Variants in KDM2B observed in about 807,000 individuals in gnomAD.
The protein encoded by KDM2B is lysine-specific demethylase 2B.
In KDM2B, 26 loss-of-function variants were observed where a neutral mutation model predicts 150.0. That is an observed-to-expected ratio of 0.17 (90% CI 0.13 to 0.24). The LOEUF (loss-of-function observed/expected upper bound fraction) is 0.24. Among genes scored for constraint, KDM2B ranks in the 10% least tolerant of loss-of-function variants. KDM2B has a pLI of 1.00. For missense variants in KDM2B, 1,265 were observed against 1,816.9 expected, an observed-to-expected ratio of 0.70 and a Z score of 5.52; for synonymous variants, 734 against 729.5, an observed-to-expected ratio of 1.01 and a Z score of -0.10.
At position 121,521,155 on chromosome 12, in the gene KDM2B, A is replaced by G. The variant is rs1555305889; in HGVS notation, c.932-55T>C. Reference sequence around the variant, plus strand: ...GCCGCTGGCCCCTGTGGGCTCCCACACCTCACAAGGCTGCAGGGAGGGAGA... The same window carrying G: ...GCCGCTGGCCCCTGTGGGCTCCCACGCCTCACAAGGCTGCAGGGAGGGAGA... On this transcript the variant is annotated intron_variant, in intron 8 of 22. Coordinates refer to ENST00000377071, the MANE Select transcript of KDM2B (RefSeq NM_032590.5). The surrounding 1 kb of genome is among the most constrained non-coding windows in gnomAD (Gnocchi z 4.9). 1.6e-6 allele frequency: 2 copies of G among 1,235,642 alleles called. No homozygotes were observed. Among genetic ancestry groups the G allele is most frequent in the Non-Finnish European group, 1.2e-6 (1 of 841,086 alleles). 76.5% of individuals were successfully genotyped at this position (1,235,642 alleles called of 1,614,324 possible). A position where few individuals can be genotyped will look rare whatever the true frequency, so the allele number is the denominator to read the frequency against.
At chr12:121,500,296 CCCTAAGGG>C (rs1555301709) in intron 11 of KDM2B, among the ~76,000 whole-genome samples, 26 of 152,124 alleles carry the variant, frequency 1.7e-4, no homozygotes, top group African/African-American at 5.8e-4. Flanking sequence ...CAGCTCAGCC[CCCTAAGGG>C]TTACACCTTA....
chr12:121,414,765 C>T, the KDM2B span, among the ~76,000 whole-genome samples: 7 of 151,426 alleles, frequency 4.6e-5, no homozygotes, highest in African/African-American at 1.2e-4. Context: ...CTCCGCCTCC[C>T]GAATTCAAGC....
chr12:121,444,588 CG>C (rs1875814866), intron 14 of KDM2B, 52 bp from the exon 15 acceptor site: 1 of 1,479,186 alleles, frequency 6.8e-7, no homozygotes. Context: ...AGATGGCCCA[CG>C]GGCACAAGGC....
intron 6 of KDM2B, among the ~76,000 whole-genome samples, chr12:121,543,895 GT>G (rs1555310147): frequency 1.2e-4 from 18 of 151,794 alleles, no homozygotes; most frequent in African/African-American, 3.9e-4. Flanking sequence ...GCCAAGGTCG[GT>G]GGACCACTTG....
At chr12:121,480,925 T>TTTG (rs1555297735) in intron 12 of KDM2B, among the ~76,000 whole-genome samples, 21 of 118,920 alleles carry the variant, frequency 1.8e-4, no homozygotes, top group African/African-American at 6.2e-4. Flanking sequence ...GAGGTGTTTT[T>TTTG]TTTGTTGTTT....
intron 10 of KDM2B, among the ~76,000 whole-genome samples, chr12:121,510,295 A>C (rs1307176653): frequency 6.6e-6 from 1 of 152,188 alleles, no homozygotes; most frequent in Non-Finnish European, 1.5e-5. Flanking sequence ...TTATTTATAT[A>C]AAGACAGTCT....
the KDM2B span, among the ~76,000 whole-genome samples, chr12:121,415,798 A>AT: frequency 6.7e-6 from 1 of 148,880 alleles, no homozygotes; most frequent in Non-Finnish European, 1.5e-5. Context: ...TTTTTAGTAT[A>AT]TGCATATCCC....
At chr12:121,457,735 AACAT>A (rs1407410837) in intron 12 of KDM2B, among the ~76,000 whole-genome samples, 2 of 113,028 alleles carry the variant, frequency 1.8e-5, no homozygotes, top group Admixed American at 1.7e-4. Flanking sequence ...GAAGATCGGA[AACAT>A]ACACACACAC....
chr12:121,567,284 T>C lies in KDM2B; in HGVS notation c.397+7263A>G, dbSNP rs185767953. On this transcript the variant is annotated intron_variant, in intron 4 of 22. Transcript: ENST00000377071. The stretch of plus-strand genomic sequence containing the variant: ...TCTACCTATAAGGTGTATATATTAA[T>C]ATGCTGAAGTCCTCACCCCCAGCAC... 2.0e-5 allele frequency among the ~76,000 whole-genome samples: 3 copies of C among 152,342 alleles called. No individual in the cohort carries two copies. The East Asian group carries it at 5.8e-4, about 29-fold the overall frequency.
downstream of KDM2B, among the ~76,000 whole-genome samples, chr12:121,427,544 TAAATA>T (rs1162321418): frequency 1.3e-5 from 2 of 152,122 alleles, no homozygotes; most frequent in African/African-American, 4.8e-5. Flanking sequence ...TGTCTCAAAA[TAAATA>T]AAATAAAATA....
At chr12:121,490,099 C>T (rs1555299638) in intron 12 of KDM2B, among the ~76,000 whole-genome samples, 4 of 152,210 alleles carry the variant, frequency 2.6e-5, no homozygotes, top group African/African-American at 7.2e-5. Context: ...CTGTGTGTCA[C>T]TCCGGAGGGA....
Position 121,440,933 on chromosome 12 carries a change from A to C in KDM2B, c.3493T>G (p.Ser1165Ala), listed in dbSNP as rs527728982. 6.2e-7 allele frequency: 1 copy of C among 1,614,118 alleles called. No homozygotes were observed. The highest frequency in any genetic ancestry group is 1.3e-5 in the African/African-American group (1 of 75,066). ...GGACAACTGGAGCTGCAAAGGGCCG[A>C]GACCGCGATCCATGAGCAGCCTGAC... is the stretch of plus-strand genomic sequence containing the variant. ...VLSGCSWIAV[S>A]ALCSSSCPLL... The change falls in exon 21 of 23, where the codon TCG becomes GCG. Residue 1165 changes from serine to alanine, a missense_variant. Physicochemically the swap from Ser to Ala is moderately conservative, Grantham distance 99 (BLOSUM62 1). This residue lies in a region of KDM2B where 251 missense variants were observed against 397.8 expected (regional missense o/e 0.63). Transcript: ENST00000377071.
In KDM2B at chr12:121,520,300, T is replaced by A. The variant is rs1452499179; in HGVS notation, c.1047+685A>T. On this transcript the variant is annotated intron_variant, in intron 9 of 22. Transcript: ENST00000377071. The surrounding 1 kb of genome is among the most constrained non-coding windows in gnomAD (Gnocchi z 4.5). ...GGCAAGTTCAGGCCACTTGTCCTTT[T>A]CAGGGGACACTTGTGGAGCGAAGGA... is the stretch of plus-strand genomic sequence containing the variant. 6.6e-6 allele frequency among the ~76,000 whole-genome samples: 1 copy of A among 152,138 alleles called. No homozygotes were observed. Among genetic ancestry groups the A allele is most frequent in the Non-Finnish European group, 1.5e-5 (1 of 68,020 alleles).
intron 9 of KDM2B, chr12:121,516,529 A>G (rs1886210121): frequency 5.6e-6 from 8 of 1,427,314 alleles, no homozygotes; most frequent in Non-Finnish European, 7.4e-6. Context: ...GCCTGGGGAC[A>G]TTAAACATAC....
chr12:121,504,953 A>G (rs1474606650), intron 11 of KDM2B, among the ~76,000 whole-genome samples: 2 of 151,998 alleles, frequency 1.3e-5, no homozygotes, highest in African/African-American at 4.8e-5. Context: ...CGTCTCTACT[A>G]AAAATACAAA....
intron 22 of KDM2B, among the ~76,000 whole-genome samples, chr12:121,437,508 GA>G (rs140170154): frequency 1.3e-5 from 2 of 150,702 alleles, no homozygotes; most frequent in African/African-American, 4.9e-5. Context: ...GTCCACATGG[GA>G]AAAAAAAAGA....
intron 8 of KDM2B, among the ~76,000 whole-genome samples, chr12:121,531,246 T>A (rs995547369): frequency 2.6e-5 from 4 of 152,108 alleles, no homozygotes. Flanking sequence ...GGGGCCATGG[T>A]AACAAAGTCA....
intron 4 of KDM2B, among the ~76,000 whole-genome samples, chr12:121,559,469 TG>T (rs1890170245): frequency 1.3e-5 from 2 of 152,092 alleles, no homozygotes; most frequent in Non-Finnish European, 2.9e-5. Context: ...GCCACACAGC[TG>T]GGGTCCAGCC....
intron 13 of KDM2B, among the ~76,000 whole-genome samples, chr12:121,447,352 G>A (rs1469280708): frequency 6.6e-6 from 1 of 151,698 alleles, no homozygotes; most frequent in East Asian, 1.9e-4. Flanking sequence ...GGGTTCAAGC[G>A]ATTCTCCTGC....
Sources: allele counts gnomAD v4.1 joint callset (sites outside exome capture counted in the v4.1 genomes callset), GRCh38; gene constraint gnomAD v4.1.1; regional missense constraint gnomAD v4.1.1; non-coding constraint Gnocchi (gnomAD v3.1); transcripts MANE v1.5; gene names NCBI Gene and HGNC (gene_info 2026-07-23, HGNC 2026-07-21).